PTPRD: variants seen among roughly 807,000 people sequenced by gnomAD.
PTPRD encodes the protein protein tyrosine phosphatase receptor type D, also known as receptor-type tyrosine-protein phosphatase delta.
In PTPRD, 34 loss-of-function variants were observed where a neutral mutation model predicts 214.5. That is an observed-to-expected ratio of 0.16 (90% CI 0.12 to 0.21). PTPRD has a LOEUF of 0.21. PTPRD is among the 10% of genes least tolerant of loss of function. The pLI, the probability that PTPRD is intolerant of heterozygous loss-of-function variation, is 1.00. For missense variants in PTPRD, 2,545 were observed against 2,398.7 expected, an observed-to-expected ratio of 1.06 and a Z score of -1.27; for synonymous variants, 1,128 against 845.7, an observed-to-expected ratio of 1.33 and a Z score of -5.79.
chr9:10,381,626 A>G (rs920958315), intron 2 of PTPRD, among the ~76,000 whole-genome samples: 2 of 151,988 alleles, frequency 1.3e-5, no homozygotes, highest in Non-Finnish European at 2.9e-5. Flanking sequence ...ACACATTAGC[A>G]CTGGAGAGGG....
At chr9:9,874,632 T>A (rs1013919303) in intron 5 of PTPRD, among the ~76,000 whole-genome samples, 1 of 152,204 alleles carries the variant, frequency 6.6e-6, no homozygotes. Context: ...TCTCAAATAA[T>A]AAACTTTGAA....
intron 5 of PTPRD, among the ~76,000 whole-genome samples, chr9:9,794,907 A>G (rs1201791316): frequency 6.6e-6 from 1 of 152,220 alleles, no homozygotes; most frequent in Non-Finnish European, 1.5e-5. Context: ...AAAGGGGAAG[A>G]TAACAGTTTA....
At chr9:8,970,926 C>A (rs866716290) in intron 11 of PTPRD, among the ~76,000 whole-genome samples, 1 of 151,028 alleles carries the variant, frequency 6.6e-6, no homozygotes, top group South Asian at 2.1e-4. Flanking sequence ...AAAACAACAA[C>A]AAAAACCAAA....
intron 8 of PTPRD, among the ~76,000 whole-genome samples, chr9:9,458,250 G>C (rs1329810733): frequency 6.6e-6 from 1 of 151,878 alleles, no homozygotes; most frequent in Non-Finnish European, 1.5e-5. Flanking sequence ...AACAATTCAA[G>C]TGTACAATGG....
chr9:9,057,519 G>T (rs916451792), intron 10 of PTPRD, among the ~76,000 whole-genome samples: 3 of 152,132 alleles, frequency 2.0e-5, no homozygotes, highest in African/African-American at 7.2e-5. Context: ...TGAAATTTTA[G>T]ATTTAAGAAT....
At chr9:8,506,712 A>G (rs1486436977) in intron 22 of PTPRD, among the ~76,000 whole-genome samples, 2 of 152,194 alleles carry the variant, frequency 1.3e-5, no homozygotes, top group African/African-American at 2.4e-5. Context: ...AATTATATTG[A>G]TTTTCATTTC....
At chr9:8,386,251 T>C (rs2086989181) in intron 37 of PTPRD, among the ~76,000 whole-genome samples, 1 of 152,196 alleles carries the variant, frequency 6.6e-6, no homozygotes, top group Non-Finnish European at 1.5e-5. Context: ...CAAAGTGCCC[T>C]ACTTGGAACT....
At chr9:9,754,666 A>G (rs532206161) in intron 6 of PTPRD, among the ~76,000 whole-genome samples, 57 of 152,242 alleles carry the variant, frequency 3.7e-4, no homozygotes, top group African/African-American at 1.4e-3. Context: ...ACATTAACCT[A>G]ATCACAAAGT....
At chr9:9,769,194 G>C (rs2098731205) in intron 5 of PTPRD, among the ~76,000 whole-genome samples, 1 of 151,900 alleles carries the variant, frequency 6.6e-6, no homozygotes, top group African/African-American at 2.4e-5. Context: ...TGAAAGTCAA[G>C]CTTACAGGGT....
intron 12 of PTPRD, among the ~76,000 whole-genome samples, chr9:8,679,165 G>T (rs1245275914): frequency 6.6e-6 from 1 of 152,100 alleles, no homozygotes; most frequent in Non-Finnish European, 1.5e-5. Flanking sequence ...GAAACTAGTC[G>T]CTTCCTACTG....
chr9:9,947,563 T>TATATATATAATATATATA (rs2092910053), intron 4 of PTPRD, among the ~76,000 whole-genome samples: 1 of 41,084 alleles, frequency 2.4e-5, no homozygotes, highest in African/African-American at 1.7e-4. Flanking sequence ...ATATATATAT[T>TATATATATAATATATATA]TTATATATAT....
intron 5 of PTPRD, among the ~76,000 whole-genome samples, chr9:9,868,195 G>T (rs577412188): frequency 1.3e-5 from 2 of 152,210 alleles, no homozygotes; most frequent in African/African-American, 4.8e-5. Context: ...ACTGTAAAAT[G>T]TTCATTAGCT....
intron 5 of PTPRD, among the ~76,000 whole-genome samples, chr9:9,767,665 A>C (rs1003261920): frequency 6.6e-6 from 1 of 152,114 alleles, no homozygotes; most frequent in Non-Finnish European, 1.5e-5. Flanking sequence ...CTGGCATTCT[A>C]TCTGCCTAAA....
intron 14 of PTPRD, among the ~76,000 whole-genome samples, chr9:8,564,451 C>T (rs180700413): frequency 6.6e-6 from 1 of 152,116 alleles, no homozygotes; most frequent in Admixed American, 6.5e-5. Context: ...ATAATCTCAG[C>T]ACTTTGAGAA....
At chr9:8,980,285 T>A (rs1378497570) in intron 11 of PTPRD, among the ~76,000 whole-genome samples, 4 of 152,008 alleles carry the variant, frequency 2.6e-5, no homozygotes, top group Admixed American at 2.6e-4. Context: ...GTAGCAGATA[T>A]GTAGATGAAC....
chr9:9,407,850 A>C (rs952352438), intron 8 of PTPRD, among the ~76,000 whole-genome samples: 2 of 151,832 alleles, frequency 1.3e-5, no homozygotes, highest in Non-Finnish European at 3.0e-5. Flanking sequence ...TGATAAAAGA[A>C]CTTTGTTTCC....
At chr9:9,586,511 T>A (rs138384704) in intron 7 of PTPRD, among the ~76,000 whole-genome samples, 24 of 152,126 alleles carry the variant, frequency 1.6e-4, no homozygotes, top group South Asian at 6.2e-4. Flanking sequence ...TTGTTCAATA[T>A]GAAACCTATA....
intron 14 of PTPRD, among the ~76,000 whole-genome samples, chr9:8,608,194 T>G (rs1403168126): frequency 6.6e-6 from 1 of 152,166 alleles, no homozygotes; most frequent in Non-Finnish European, 1.5e-5. Context: ...ATATTACTGT[T>G]ACCCTATTAA....
intron 7 of PTPRD, among the ~76,000 whole-genome samples, chr9:9,575,623 G>C (rs775120980): frequency 4.0e-4 from 60 of 148,678 alleles, no homozygotes; most frequent in Middle Eastern, 3.4e-3. Context: ...AGGAGGCTGA[G>C]GCAGGAGAAT....
Sources: gnomAD v4.1 joint callset for allele counts (sites outside exome capture counted in the v4.1 genomes callset) on GRCh38, gnomAD v4.1.1 for gene constraint, MANE v1.5 for transcripts, NCBI Gene and HGNC (gene_info 2026-07-23, HGNC 2026-07-21) for gene names.